RTL1: variants seen among roughly 807,000 people sequenced by gnomAD.
RTL1 encodes retrotransposon Gag like 1, also known as retrotransposon-like protein 1.
For synonymous variants in RTL1, 727 were observed against 748.4 expected (o/e 0.97, Z 0.47); for missense variants, 1,681 against 1,767.5 (o/e 0.95, Z 0.88).
At position 100,881,100 on chromosome 14, in the gene RTL1, A is replaced by G. The variant is rs1396015722; in HGVS notation, c.3689T>C (p.Val1230Ala). 1.3e-6 allele frequency: 2 copies of G among 1,590,690 alleles called. No homozygotes were observed. Among genetic ancestry groups the G allele is most frequent in the African/African-American group, 1.3e-5 (1 of 74,342 alleles). Residue 1230 changes from valine (V) to alanine (A), a missense_variant, in exon 4 of 4, where the codon GTC becomes GCC. Transcript: ENST00000649591. The surrounding 1 kb of genome is among the most constrained non-coding windows in gnomAD (Gnocchi z 6.6). Reference sequence around the variant, plus strand: ...GTCTTGCAGGGCTTCTCGCAAGACGACATCCTCATCACCAACGACGTGCAG... The same window carrying G: ...GTCTTGCAGGGCTTCTCGCAAGACGGCATCCTCATCACCAACGACGTGCAG... Reference protein sequence around the residue: ...LELHVVGDEDVVLREALQDDL... With the variant: ...LELHVVGDEDAVLREALQDDL...
At chr14:100,888,547 T>C (rs1385290181) in intron 3 of RTL1, among the ~76,000 whole-genome samples, 2 of 152,198 alleles carry the variant, frequency 1.3e-5, no homozygotes, top group Non-Finnish European at 2.9e-5. Flanking sequence ...CCTAGGACAA[T>C]ATATAAAATT....
At chr14:100,898,801 G>A (rs763851664) in intron 2 of RTL1, among the ~76,000 whole-genome samples, 7 of 152,354 alleles carry the variant, frequency 4.6e-5, no homozygotes, top group East Asian at 1.9e-4. Flanking sequence ...TGGGCCCCAC[G>A]AAACACTGTG....
At chr14:100,901,669 C>G (rs1038586308) in intron 2 of RTL1, among the ~76,000 whole-genome samples, 1 of 152,166 alleles carries the variant, frequency 6.6e-6, no homozygotes, top group African/African-American at 2.4e-5. Context: ...CAGCCTGTTG[C>G]CCCAGAGAGG....
In RTL1 at chr14:100,881,282, G is replaced by A; in HGVS notation, c.3507C>T (p.Gly1169=). 3 of 1,550,436 alleles carry A rather than the reference G, an allele frequency of 1.9e-6. No homozygotes were observed. The highest frequency in any genetic ancestry group is 2.7e-5 in the African/African-American group (2 of 73,148). The change falls in exon 4 of 4, where the codon GGC becomes GGT. Residue 1169 remains glycine (G), a synonymous_variant. Coordinates refer to ENST00000649591, the MANE Select transcript of RTL1 (RefSeq NM_001134888.3). This position sits in a 1 kb window ranked among gnomAD's most constrained non-coding sequence, Gnocchi z 6.6. ...PAQELAELFL[G]PGRWQRNALH... ...GAGCATTTCGCTGCCAGCGGCCAGGGCCCAGGAACAGCTCAGCCAGCTCCT... is the reference window on the plus strand; with the variant it reads ...GAGCATTTCGCTGCCAGCGGCCAGGACCCAGGAACAGCTCAGCCAGCTCCT...
Position 100,879,865 on chromosome 14 carries a change from C to T in RTL1, c.*847G>A, listed in dbSNP as rs1595331738. On this transcript the variant is annotated 3_prime_UTR_variant, in exon 4 of 4. Transcript: ENST00000649591. ...AAGCGGTGGTGTGGCCAGAGCCTCTCTGTGACTCGGCATGGTCCCCTGGGT... is the reference window on the plus strand; with the variant it reads ...AAGCGGTGGTGTGGCCAGAGCCTCTTTGTGACTCGGCATGGTCCCCTGGGT... Among the ~76,000 whole-genome samples the T allele has an allele frequency of 6.6e-6, 1 of 151,932 alleles. No individual in the cohort carries two copies. Among genetic ancestry groups the T allele is most frequent in the East Asian group, 2.0e-4 (1 of 5,092 alleles).
At chr14:100,892,149 A>G (rs561322887) in intron 3 of RTL1, among the ~76,000 whole-genome samples, 36 of 152,166 alleles carry the variant, frequency 2.4e-4, no homozygotes, top group Non-Finnish European at 4.1e-4. Context: ...GAGGGGTGTA[A>G]GAGTGGAACC....
chr14:100,895,635 G>A (rs965755160), intron 2 of RTL1, among the ~76,000 whole-genome samples: 1 of 152,136 alleles, frequency 6.6e-6, no homozygotes, highest in Non-Finnish European at 1.5e-5. Flanking sequence ...ATTTTCTTGA[G>A]GCAATGGCAT....
At chr14:100,891,305 C>G (rs1395439825) in intron 3 of RTL1, among the ~76,000 whole-genome samples, 1 of 152,218 alleles carries the variant, frequency 6.6e-6, no homozygotes, top group Non-Finnish European at 1.5e-5. Context: ...CTCTCTTCCC[C>G]TATGGTCTGG....
chr14:100,902,154 G>T (rs116966304), intron 2 of RTL1, among the ~76,000 whole-genome samples: 2 of 152,164 alleles, frequency 1.3e-5, no homozygotes, highest in Non-Finnish European at 2.9e-5. Flanking sequence ...CTCAGGGCTC[G>T]CACGCAGAGC....
chr14:100,886,497 T>C (rs897541783), intron 3 of RTL1, among the ~76,000 whole-genome samples: 2 of 152,206 alleles, frequency 1.3e-5, no homozygotes, highest in African/African-American at 4.8e-5. Flanking sequence ...TAATATAATA[T>C]AAAATTCTTA....
At chr14:100,896,846 G>A (rs537096076) in intron 2 of RTL1, among the ~76,000 whole-genome samples, 29 of 152,278 alleles carry the variant, frequency 1.9e-4, no homozygotes, top group African/African-American at 6.3e-4. Context: ...GGCTGCGAAC[G>A]CGAGCCGCCG....
intron 3 of RTL1, among the ~76,000 whole-genome samples, chr14:100,892,157 AC>A (rs1217913690): frequency 1.3e-5 from 2 of 152,070 alleles, no homozygotes; most frequent in Non-Finnish European, 2.9e-5. Context: ...TAAGAGTGGA[AC>A]CTGCTCATCT....
Position 100,882,945 on chromosome 14 carries a change from G to A in RTL1, c.1844C>T (p.Pro615Leu), listed in dbSNP as rs771052719. 1.7e-5 allele frequency: 28 copies of A among 1,613,318 alleles called. 1 individual carries two copies. The highest frequency in any genetic ancestry group is 3.3e-4 in the Middle Eastern group (2 of 6,062). Residue 615 changes from proline to leucine, a missense_variant, in exon 4 of 4, where the codon CCT (proline) becomes CTT (leucine). Pro to Leu is a moderately conservative substitution (Grantham distance 98, BLOSUM62 -3). Transcript: ENST00000649591. ...ETFYECPSTA[P>L]WEPVGARMQE... Reference sequence around the variant, plus strand: ...CATCCTGGCACCCACAGGTTCCCAAGGCGCGGTGGAGGGACACTCGTAAAA... The same window carrying A: ...CATCCTGGCACCCACAGGTTCCCAAAGCGCGGTGGAGGGACACTCGTAAAA...
At chr14:100,894,937 C>G (rs1023180428) in intron 2 of RTL1, 2 of 152,214 alleles carry the variant, frequency 1.3e-5, no homozygotes, top group African/African-American at 4.8e-5. Context: ...CATGACCCAG[C>G]CCTGCTGCCC....
rs1373326953 is a variant in RTL1, at chr14:100,882,413, G to A, written c.2376C>T (p.Asn792=). Residue 792 remains asparagine, a synonymous_variant, in exon 4 of 4, where the codon AAC becomes AAT. Transcript: ENST00000649591. ...VTPKGVKLNK[N]VMTIITGYPT... ...GGTACCCTGTTATGATGGTCATGAC[G>A]TTCTTGTTCAGTTTCACCCCTTTGG... 3.9e-6 allele frequency: 6 copies of A among 1,551,868 alleles called. No individual in the cohort carries two copies. The highest frequency in any genetic ancestry group is 2.7e-5 in the African/African-American group (2 of 73,046).
chr14:100,901,619 T>G (rs1471634508), intron 2 of RTL1, among the ~76,000 whole-genome samples: 1 of 152,188 alleles, frequency 6.6e-6, no homozygotes, highest in Non-Finnish European at 1.5e-5. Context: ...AAAGGGCCCC[T>G]CAACCTGCCA....
rs755672293 is a variant in RTL1 at position 100,881,239 on chromosome 14, G to C, written c.3550C>G (p.Arg1184Gly). Residue 1184 changes from arginine to glycine, a missense_variant, in exon 4 of 4, where the codon CGA becomes GGA. Transcript: ENST00000649591. This position sits in a 1 kb window ranked among gnomAD's most constrained non-coding sequence, Gnocchi z 6.6. The stretch of plus-strand genomic sequence containing the variant: ...AAGCCAGGGGTGAACTGCAGGCCTC[G>C]GTGGGCCTGGGAGTGCAGAGCATTT... ...QRNALHSQAH[R>G]GLQFTPGFWL... The C allele has an allele frequency of 1.3e-6, 2 of 1,548,402 alleles. No individual in the cohort carries two copies. Among genetic ancestry groups the C allele is most frequent in the Non-Finnish European group, 1.7e-6 (2 of 1,145,708 alleles).
intron 3 of RTL1, among the ~76,000 whole-genome samples, chr14:100,891,960 G>T (rs2038785781): frequency 9.2e-5 from 14 of 152,180 alleles, no homozygotes; most frequent in Admixed American, 9.2e-4. Context: ...GAGGTGGCTG[G>T]CCCAACAGGT....
At chr14:100,892,038 T>A (rs963120770) in intron 3 of RTL1, among the ~76,000 whole-genome samples, 3 of 152,214 alleles carry the variant, frequency 2.0e-5, no homozygotes, top group Non-Finnish European at 2.9e-5. Flanking sequence ...GTCGTCGTAT[T>A]ATTTCATTTA....
Sources: gnomAD v4.1 joint callset for allele counts (sites outside exome capture counted in the v4.1 genomes callset) on GRCh38, gnomAD v4.1.1 for gene constraint, Gnocchi (gnomAD v3.1) non-coding constraint, MANE v1.5 for transcripts, NCBI Gene and HGNC (gene_info 2026-07-23, HGNC 2026-07-21) for gene names.